The following GRAMD1C variants were observed in gnomAD, a reference collection of about 807,000 sequenced individuals.
The protein encoded by GRAMD1C is GRAM domain containing 1C.
In GRAMD1C, 89 loss-of-function variants were observed where a neutral mutation model predicts 97.8. The observed-to-expected ratio is 0.91, with a 90% CI of 0.77 to 1.09. GRAMD1C has a LOEUF of 1.09. Ranked by LOEUF, GRAMD1C falls within the 50% of genes least tolerant of loss-of-function variation. The probability of loss-of-function intolerance (pLI) is 0.00; values close to 1 mark genes in which losing one functional copy is unlikely to be tolerated. For synonymous variants in GRAMD1C, 256 were observed against 267.0 expected, an observed-to-expected ratio of 0.96 and a Z score of 0.40; for missense variants, 740 against 766.4, an observed-to-expected ratio of 0.97 and a Z score of 0.41.
At chr3:113,898,042 G>A (rs529201260) in intron 6 of GRAMD1C, among the ~76,000 whole-genome samples, 17 of 152,186 alleles carry the variant, frequency 1.1e-4, no homozygotes, top group African/African-American at 4.1e-4. Context: ...TGAATTACAT[G>A]AGTTATATTT....
At chr3:113,842,878 G>A (rs1439128349) in intron 1 of GRAMD1C, among the ~76,000 whole-genome samples, 3 of 151,462 alleles carry the variant, frequency 2.0e-5, no homozygotes, top group African/African-American at 4.9e-5. Context: ...CAGGAAAATC[G>A]CTTGAACCCG....
intron 10 of GRAMD1C, among the ~76,000 whole-genome samples, chr3:113,921,413 G>A (rs547787568): frequency 2.6e-5 from 4 of 152,254 alleles, no homozygotes; most frequent in Admixed American, 6.5e-5. Context: ...ATAGTGCTGC[G>A]ATGAATATAC....
upstream of GRAMD1C, among the ~76,000 whole-genome samples, chr3:113,834,282 C>T (rs528406962): frequency 8.2e-4 from 125 of 152,198 alleles, no homozygotes; most frequent in African/African-American, 2.6e-3. Context: ...TGGGTTCAAG[C>T]GATTTTCCTG....
intron 2 of GRAMD1C, chr3:113,844,908 C>A: frequency 3.2e-6 from 1 of 312,656 alleles, no homozygotes; most frequent in South Asian, 5.7e-5. Context: ...GTGGATTCCA[C>A]TTACACTGTA....
At chr3:113,867,618 G>T (rs909707514) in intron 2 of GRAMD1C, among the ~76,000 whole-genome samples, 4 of 152,122 alleles carry the variant, frequency 2.6e-5, no homozygotes, top group Non-Finnish European at 5.9e-5. Flanking sequence ...AGTATTTCTT[G>T]TAAAGCAGGT....
intron 2 of GRAMD1C, among the ~76,000 whole-genome samples, chr3:113,862,847 G>A (rs532527189): frequency 3.0e-4 from 45 of 152,238 alleles, no homozygotes; most frequent in African/African-American, 1.0e-3. Context: ...GGCTTCAGCC[G>A]GTCCCTCTGT....
chr3:113,945,307 G>A, intron 17 of GRAMD1C, 91 bp from the exon 18 acceptor site: 1 of 741,536 alleles, frequency 1.3e-6, no homozygotes, highest in Non-Finnish European at 2.4e-6. Flanking sequence ...ACTATATTAA[G>A]TGTCACTGTA....
chr3:113,838,027 G>C (rs1189592913), upstream of GRAMD1C, among the ~76,000 whole-genome samples: 1 of 152,202 alleles, frequency 6.6e-6, no homozygotes, highest in Non-Finnish European at 1.5e-5. Flanking sequence ...AGGTGTCCGA[G>C]GCAATAGATG....
chr3:113,922,965 C>T (rs1206123499), intron 10 of GRAMD1C, among the ~76,000 whole-genome samples: 2 of 151,660 alleles, frequency 1.3e-5, no homozygotes, highest in African/African-American at 4.8e-5. Flanking sequence ...TTTTATAATT[C>T]TTGTTGTAGA....
intron 8 of GRAMD1C, among the ~76,000 whole-genome samples, chr3:113,907,755 A>G (rs758254590): frequency 1.4e-4 from 21 of 152,200 alleles, no homozygotes; most frequent in Non-Finnish European, 2.2e-4. Flanking sequence ...CAACCACTGA[A>G]AGATAGTGAC....
In GRAMD1C at chr3:113,945,671, C is replaced by A; in HGVS notation, c.*193C>A. 1.9e-6 allele frequency: 1 copy of A among 518,262 alleles called. No homozygotes were observed. The highest frequency in any genetic ancestry group is 3.4e-6 in the Non-Finnish European group (1 of 293,856). 32.1% of individuals were successfully genotyped at this position (518,262 alleles called of 1,614,324 possible). A position where few individuals can be genotyped will look rare whatever the true frequency, so the allele number is the denominator to read the frequency against. ...TGCTGGCCTTAATAATCCATCCTTT[C>A]ACTTCTTATAGATATTTTTAAGCTG... On this transcript the variant is annotated 3_prime_UTR_variant, in exon 18 of 18. Coordinates refer to ENST00000358160, the MANE Select transcript of GRAMD1C (RefSeq NM_017577.5).
intron 2 of GRAMD1C, chr3:113,850,469 TC>T: frequency 6.8e-7 from 1 of 1,469,848 alleles, no homozygotes; most frequent in Non-Finnish European, 9.5e-7. Context: ...GGCAGCACAG[TC>T]TCCGGGGCAG....
chr3:113,897,797 C>A, intron 6 of GRAMD1C: 1 of 978,528 alleles, frequency 1.0e-6, no homozygotes, highest in Non-Finnish European at 1.2e-6. Flanking sequence ...AAGGGAGAGA[C>A]TCTCCTTGGT....
In GRAMD1C at chr3:113,849,267, TTTTATTTA is replaced by T. The variant is rs200581881; in HGVS notation, c.174+4654_174+4661del. ...AGTGCTTTGGATAAGCTAGTTAATA[TTTTATTTA>T]TTTATTTATTTATTTATTTATTTAT... On this transcript the variant is annotated intron_variant, in intron 2 of 17. Coordinates refer to ENST00000358160, the MANE Select transcript of GRAMD1C (RefSeq NM_017577.5). 8.6e-3 allele frequency among the ~76,000 whole-genome samples: 1,214 copies of T among 141,548 alleles called. 16 individuals carry two copies. Among genetic ancestry groups the T allele is most frequent in the South Asian group, 0.037 (167 of 4,512 alleles). The allele number at this position is 141,548 out of a possible 152,430, so 92.9% of individuals were successfully genotyped here.
At chr3:113,936,936 G>A (rs1937588871) in intron 14 of GRAMD1C, 1 of 152,662 alleles carries the variant, frequency 6.6e-6, no homozygotes, top group African/African-American at 2.4e-5. Context: ...GCAGCAGTTT[G>A]TTGGAGCATA....
chr3:113,924,241 C>G (rs904835042), intron 10 of GRAMD1C, among the ~76,000 whole-genome samples: 3 of 151,778 alleles, frequency 2.0e-5, no homozygotes, highest in Non-Finnish European at 2.9e-5. Flanking sequence ...TTTCATTGAT[C>G]TTTTGTATGG....
At chr3:113,936,558 G>A in intron 14 of GRAMD1C, 116 bp downstream of exon 14, 1 of 615,496 alleles carries the variant, frequency 1.6e-6, no homozygotes, top group Non-Finnish European at 2.8e-6. Context: ...CCTCCTTTTT[G>A]GATAATGTTT....
rs1224884971 is a variant in GRAMD1C at position 113,863,435 on chromosome 3, T to C, written c.175-6072T>C. Among the ~76,000 whole-genome samples, 5 of 152,040 alleles carry C rather than the reference T, an allele frequency of 3.3e-5. No homozygotes were observed. The East Asian group carries it at 9.6e-4, about 29-fold the overall frequency. On this transcript the variant is annotated intron_variant, in intron 2 of 17. Transcript: ENST00000358160. ...TCCAGAATTAGCAAATCCATAGAGA[T>C]AGAAAGTAGATTAGTGTCGTTTGGA...
intron 2 of GRAMD1C, among the ~76,000 whole-genome samples, chr3:113,865,923 T>C (rs572515498): frequency 1.3e-5 from 2 of 152,318 alleles, no homozygotes; most frequent in East Asian, 3.9e-4. Context: ...TCTCTAATTT[T>C]ATTCTGTGTT....
Sources: gnomAD v4.1 joint callset for allele counts (sites outside exome capture counted in the v4.1 genomes callset) on GRCh38, gnomAD v4.1.1 for gene constraint, MANE v1.5 for transcripts, NCBI Gene and HGNC (gene_info 2026-07-23, HGNC 2026-07-21) for gene names.